The following MACROD2 variants were observed in gnomAD, a reference collection of about 807,000 sequenced individuals.
The protein encoded by MACROD2 is ADP-ribose glycohydrolase MACROD2.
MACROD2 carries 36 observed loss-of-function variants against 70.4 expected under a neutral mutation model. The ratio of observed to expected loss-of-function variants is 0.51; its 90% CI spans 0.39 to 0.68. The LOEUF (loss-of-function observed/expected upper bound fraction) is 0.68. Among genes scored for constraint, MACROD2 ranks in the 30% least tolerant of loss-of-function variants. MACROD2 has a pLI of 0.00. For synonymous variants in MACROD2, 172 were observed against 178.8 expected, an observed-to-expected ratio of 0.96 and a Z score of 0.30; for missense variants, 496 against 538.4, an observed-to-expected ratio of 0.92 and a Z score of 0.78.
chr20:14,456,743 G>T (rs1046034240), intron 3 of MACROD2, among the ~76,000 whole-genome samples: 2 of 119,508 alleles, frequency 1.7e-5, no homozygotes, highest in East Asian at 5.2e-4. Flanking sequence ...TTGAGACTGA[G>T]TCTCTCTCTG....
At chr20:14,930,400 A>G (rs914249461) in intron 5 of MACROD2, among the ~76,000 whole-genome samples, 2 of 152,204 alleles carry the variant, frequency 1.3e-5, no homozygotes, top group African/African-American at 4.8e-5. Flanking sequence ...AGGTTAAAAC[A>G]TGTATATTAA....
intron 3 of MACROD2, among the ~76,000 whole-genome samples, chr20:14,272,180 G>A (rs897677002): frequency 1.3e-5 from 2 of 151,968 alleles, no homozygotes; most frequent in African/African-American, 2.4e-5. Context: ...GCAACTCCAA[G>A]AAACATAATT....
At chr20:15,139,957 A>T (rs1329111467) in intron 5 of MACROD2, among the ~76,000 whole-genome samples, 6 of 152,228 alleles carry the variant, frequency 3.9e-5, no homozygotes, top group Non-Finnish European at 7.3e-5. Context: ...AGCCACTTGA[A>T]TACTGATCCT....
At chr20:14,143,129 A>G (rs1368959545) in intron 3 of MACROD2, among the ~76,000 whole-genome samples, 1 of 152,208 alleles carries the variant, frequency 6.6e-6, no homozygotes, top group African/African-American at 2.4e-5. Context: ...GCTTAAACAA[A>G]TAACCAAAAT....
chr20:15,351,121 G>A (rs1424420798), intron 6 of MACROD2, among the ~76,000 whole-genome samples: 1 of 151,866 alleles, frequency 6.6e-6, no homozygotes, highest in Non-Finnish European at 1.5e-5. Flanking sequence ...TGTAGGGTGG[G>A]GGTGGGGGCA....
intron 5 of MACROD2, among the ~76,000 whole-genome samples, chr20:14,735,139 G>A (rs187623674): frequency 4.6e-5 from 7 of 152,012 alleles, no homozygotes; most frequent in African/African-American, 9.6e-5. Flanking sequence ...TAAATTAGAC[G>A]TTATTAAAAC....
At chr20:14,488,909 A>G (rs2084763722) in intron 3 of MACROD2, among the ~76,000 whole-genome samples, 1 of 152,176 alleles carries the variant, frequency 6.6e-6, no homozygotes, top group Admixed American at 6.5e-5. Flanking sequence ...TTGTACTTTA[A>G]CAACAGTAAT....
At chr20:14,643,478 T>C (rs1985203690) in intron 4 of MACROD2, among the ~76,000 whole-genome samples, 1 of 152,190 alleles carries the variant, frequency 6.6e-6, no homozygotes, top group Non-Finnish European at 1.5e-5. Flanking sequence ...TGTGAAAACA[T>C]TGTAAAAAGT....
chr20:14,446,830 T>G (rs762956257), intron 3 of MACROD2, among the ~76,000 whole-genome samples: 19 of 151,948 alleles, frequency 1.3e-4, no homozygotes, highest in Non-Finnish European at 1.8e-4. Context: ...GCAAAGAAAA[T>G]AGTATAAGCA....
intron 5 of MACROD2, among the ~76,000 whole-genome samples, chr20:15,184,796 A>G (rs995863300): frequency 1.3e-5 from 2 of 152,214 alleles, no homozygotes; most frequent in African/African-American, 4.8e-5. Flanking sequence ...CACTGATCCA[A>G]GAGCACTCTC....
chr20:14,389,092 C>G (rs930962988), intron 3 of MACROD2, among the ~76,000 whole-genome samples: 1 of 151,950 alleles, frequency 6.6e-6, no homozygotes, highest in Non-Finnish European at 1.5e-5. Context: ...GTTGGCCAAG[C>G]TGGTCTCGGA....
chr20:14,891,655 A>C (rs774735963), intron 5 of MACROD2, among the ~76,000 whole-genome samples: 28 of 152,258 alleles, frequency 1.8e-4, no homozygotes, highest in Middle Eastern at 3.4e-3. Flanking sequence ...GGATAGTAAT[A>C]GAAAACAGAG....
At chr20:14,484,747 C>T (rs1481059434) in intron 3 of MACROD2, among the ~76,000 whole-genome samples, 1 of 152,182 alleles carries the variant, frequency 6.6e-6, no homozygotes. Context: ...CAGTTCCATC[C>T]TTGTTGTTGC....
intron 7 of MACROD2, among the ~76,000 whole-genome samples, chr20:15,469,847 CTTTT>C (rs2046941947): frequency 6.6e-6 from 1 of 152,044 alleles, no homozygotes; most frequent in African/African-American, 2.4e-5. Flanking sequence ...TAAAGGTTTT[CTTTT>C]TTTAACTTAT....
At chr20:14,840,991 C>CA (rs965046337) in intron 5 of MACROD2, among the ~76,000 whole-genome samples, 7 of 151,970 alleles carry the variant, frequency 4.6e-5, no homozygotes, top group Admixed American at 3.9e-4. Context: ...GTTATTATTT[C>CA]AAAAAATGTA....
At chr20:15,507,484 TTTC>T (rs1426509036) in intron 8 of MACROD2, among the ~76,000 whole-genome samples, 1 of 151,808 alleles carries the variant, frequency 6.6e-6, no homozygotes. Context: ...CCTTTTCTTT[TTTC>T]TTTCTTTTCT....
At chr20:14,458,474 A>C (rs2084329832) in intron 3 of MACROD2, among the ~76,000 whole-genome samples, 1 of 152,104 alleles carries the variant, frequency 6.6e-6, no homozygotes, top group Admixed American at 6.5e-5. Flanking sequence ...AGTTATATAG[A>C]TTTACACAAA....
At position 15,054,617 on chromosome 20, in the gene MACROD2, G is replaced by T. The variant is rs1051451667; in HGVS notation, c.419-175323G>T. 3.9e-5 allele frequency among the ~76,000 whole-genome samples: 6 copies of T among 152,100 alleles called. No individual in the cohort carries two copies. The East Asian group carries it at 1.2e-3, about 29-fold the overall frequency. ...TACTAGGGAATAAAAAAATGTGTGT[G>T]ACTCATTTTATTGTGGTGGTCTGGA... On this transcript the variant is annotated intron_variant, in intron 5 of 17. Transcript: ENST00000684519.
At chr20:14,043,830 T>C (rs1452141807) in intron 2 of MACROD2, among the ~76,000 whole-genome samples, 1 of 152,132 alleles carries the variant, frequency 6.6e-6, no homozygotes, top group Non-Finnish European at 1.5e-5. Flanking sequence ...TCAGAGACAT[T>C]ACCTTCTGAG....
Sources: allele counts gnomAD v4.1 joint callset (sites outside exome capture counted in the v4.1 genomes callset), GRCh38; gene constraint gnomAD v4.1.1; transcripts MANE v1.5; gene names NCBI Gene and HGNC (gene_info 2026-07-23, HGNC 2026-07-21).